Variants in FGD2 observed in about 807,000 individuals in gnomAD.
FGD2 encodes FYVE, RhoGEF and PH domain-containing protein 2.
Under a neutral mutation model 75.9 loss-of-function variants are expected in FGD2, and 52 were observed. The observed-to-expected ratio is 0.69, with a 90% CI of 0.55 to 0.86. FGD2 has a LOEUF of 0.86. FGD2 is among the 40% of genes least tolerant of loss of function. The pLI, the probability that FGD2 is intolerant of heterozygous loss-of-function variation, is 0.00. For synonymous variants in FGD2, 347 were observed against 348.6 expected (o/e 1.00, Z 0.05); for missense variants, 790 against 872.0 (o/e 0.91, Z 1.18).
chr6:37,019,849 T>G (rs1765483029), intron 9 of FGD2, among the ~76,000 whole-genome samples: 1 of 110,266 alleles, frequency 9.1e-6, no homozygotes, highest in African/African-American at 4.0e-5. Flanking sequence ...TCTTTTCTTT[T>G]CTTTTCTTTT....
rs1765938363 is a variant in FGD2 at position 37,028,483 on chromosome 6, A to G, written c.*320A>G. Reference sequence around the variant, plus strand: ...CACCATAGTATGGTTTTTCATTTGTATCTCCTGGGGAGCTTTTAAAGAGTA... The same window carrying G: ...CACCATAGTATGGTTTTTCATTTGTGTCTCCTGGGGAGCTTTTAAAGAGTA... On this transcript the variant is annotated 3_prime_UTR_variant, in exon 16 of 16. Transcript: ENST00000274963. 3.0e-6 allele frequency: 1 copy of G among 334,680 alleles called. No homozygotes were observed. Among genetic ancestry groups the G allele is most frequent in the Non-Finnish European group, 5.4e-6 (1 of 184,050 alleles). 20.7% of individuals were successfully genotyped at this position (334,680 alleles called of 1,614,324 possible).
chr6:37,026,789 C>T (rs1310366147), intron 14 of FGD2, among the ~76,000 whole-genome samples: 5 of 151,394 alleles, frequency 3.3e-5, no homozygotes, highest in African/African-American at 7.3e-5. Flanking sequence ...CACGTGCGGT[C>T]AGGAGTTCGA....
Position 37,027,941 on chromosome 6 carries a change from C to A in FGD2, c.1753-7C>A, listed in dbSNP as rs1271511984. 6.2e-7 allele frequency: 1 copy of A among 1,613,466 alleles called. No homozygotes were observed. The highest frequency in any genetic ancestry group is 2.2e-5 in the East Asian group (1 of 44,870). On this transcript the variant is annotated splice_region_variant and splice_polypyrimidine_tract_variant and intron_variant, in intron 15 of 15. Coordinates refer to ENST00000274963, the MANE Select transcript of FGD2 (RefSeq NM_173558.4). ...GACAGTGGCCCACTGCTCTCTCCTC[C>A]CCCCAGGACATGAGGGCTCACACCT...
chr6:37,025,790 A>AT lies in FGD2; in HGVS notation c.1459-2_1459-1insT. Reference sequence around the variant, plus strand: ...CCATGCCCCCTTATGTGTCCTCCTCAGGTGGTGTGTGCCAGGTGCTCCGAC... The same window carrying AT: ...CCATGCCCCCTTATGTGTCCTCCTCATGGTGGTGTGTGCCAGGTGCTCCGAC... On this transcript the variant is annotated splice_acceptor_variant, in intron 13 of 15. Coordinates refer to ENST00000274963, the MANE Select transcript of FGD2 (RefSeq NM_173558.4). LOFTEE classifies it high-confidence loss of function. The AT allele has an allele frequency of 1.2e-6, 2 of 1,613,950 alleles. No individual in the cohort carries two copies. The highest frequency in any genetic ancestry group is 1.7e-6 in the Non-Finnish European group (2 of 1,179,974).
intron 9 of FGD2, 67 bp from the exon 10 acceptor site, chr6:37,020,474 C>G: frequency 6.9e-7 from 1 of 1,459,086 alleles, no homozygotes. Context: ...TCCCTCCCCT[C>G]CACAGTGCTG....
chr6:37,021,693 G>T, intron 12 of FGD2, 89 bp downstream of exon 12: 1 of 1,170,664 alleles, frequency 8.5e-7, no homozygotes, highest in Non-Finnish European at 1.2e-6. Flanking sequence ...AGCTCAGAGG[G>T]AGAGGGAGTG....
In FGD2 at chr6:37,025,824, C is replaced by T. The variant is rs370805028; in HGVS notation, c.1491C>T (p.Ala497=). The T allele has an allele frequency of 1.9e-5, 31 of 1,614,156 alleles. No homozygotes were observed. In the East Asian group the frequency reaches 4.5e-4, roughly 23 times the overall value. The change falls in exon 14 of 16, where the codon GCC becomes GCT. Residue 497 remains alanine, a synonymous_variant. Transcript: ENST00000274963. ...GTGCCAGGTGCTCCGACTACCGGGC[C>T]GAACTGAAATACGACGACAACAGGC... ...VVCARCSDYR[A]ELKYDDNRPN...
At chr6:37,018,665 C>T (rs991885877) in intron 9 of FGD2, among the ~76,000 whole-genome samples, 1 of 152,154 alleles carries the variant, frequency 6.6e-6, no homozygotes, top group Non-Finnish European at 1.5e-5. Flanking sequence ...GTACACTGCA[C>T]AAGGATACCT....
intron 14 of FGD2, 45 bp from the exon 15 acceptor site, chr6:37,027,383 AC>A (rs755862812): frequency 1.9e-6 from 3 of 1,565,776 alleles, no homozygotes; most frequent in Non-Finnish European, 2.6e-6. Flanking sequence ...AACATCTGGC[AC>A]TTGCGGCTGC....
At chr6:37,027,840 G>C in intron 15 of FGD2, 108 bp from the exon 16 acceptor site, 1 of 1,271,010 alleles carries the variant, frequency 7.9e-7, no homozygotes. Flanking sequence ...CCAACCCATG[G>C]GGGTTTAGGG....
At position 37,013,657 on chromosome 6, in the gene FGD2, C is replaced by T. The variant is rs41272208; in HGVS notation, c.576C>T (p.Phe192=). 2,158 of 1,614,058 alleles carry T rather than the reference C, an allele frequency of 1.3e-3. 3 individuals carry two copies. Among genetic ancestry groups the T allele is most frequent in the Middle Eastern group, 5.0e-3 (30 of 6,058 alleles). The change falls in exon 5 of 16, where the codon TTC becomes TTT. Residue 192 remains phenylalanine (F), a synonymous_variant. Transcript: ENST00000274963. ...IGDVIQKLAP[F]LKMYSEYVKN... ...ACGTGATCCAGAAGCTGGCCCCCTT[C>T]CTGAAGATGTACAGTGAGTATGTCA...
chr6:37,007,968 G>A lies in FGD2; in HGVS notation c.69-866G>A, dbSNP rs1296325116. 2.6e-5 allele frequency among the ~76,000 whole-genome samples: 4 copies of A among 152,178 alleles called. No individual in the cohort carries two copies. The East Asian group carries it at 7.7e-4, about 29-fold the overall frequency. ...TCCTTTACTCAAATGGGGAGGGGCA[G>A]GTTAGAGTGAAGGCTCAGGAAGCAG... On this transcript the variant is annotated intron_variant, in intron 1 of 15. Transcript: ENST00000274963.
intron 5 of FGD2, 91 bp downstream of exon 5, chr6:37,013,856 T>C (rs1015956615): frequency 5.0e-6 from 8 of 1,585,806 alleles, no homozygotes; most frequent in Non-Finnish European, 6.9e-6. Context: ...TCTCCCAGGC[T>C]CAGCTGCTTC....
At chr6:37,006,028 A>T (rs1025940308) in intron 1 of FGD2, 143 bp downstream of exon 1, 27 of 909,838 alleles carry the variant, frequency 3.0e-5, no homozygotes, top group South Asian at 1.3e-4. Flanking sequence ...GATTCCTTGG[A>T]GCATGGGAGA....
chr6:37,025,945 G>T lies in FGD2; in HGVS notation c.1605+7G>T. The T allele has an allele frequency of 6.2e-7, 1 of 1,613,674 alleles. No homozygotes were observed. Among genetic ancestry groups the T allele is most frequent in the Non-Finnish European group, 8.5e-7 (1 of 1,179,888 alleles). On this transcript the variant is annotated splice_region_variant and intron_variant, in intron 14 of 15. Transcript: ENST00000274963. ...GAGGCGGGGCATCCTGGAGGTGAGG[G>T]CCACTGTCCCCGCGCTCACCATCCG...
chr6:37,027,759 C>G lies in FGD2; in HGVS notation c.1752+184C>G, dbSNP rs2274588. On this transcript the variant is annotated intron_variant, in intron 15 of 15. Transcript: ENST00000274963. ...TCAGAATTGTGCCCTGACTCTAGGT[C>G]ACCACTGCTTTGCCCTCAGAGGCAG... The G allele has an allele frequency of 0.15, 149,972 of 1,013,386 alleles. 15,736 individuals carry two copies. Among genetic ancestry groups the G allele is most frequent in the East Asian group, 0.51 (19,371 of 38,056 alleles). The allele number at this position is 1,013,386 out of a possible 1,614,324, so 62.8% of individuals were successfully genotyped here.
chr6:37,027,946 A>C lies in FGD2; in HGVS notation c.1753-2A>C. 1 of 1,613,704 alleles carries C rather than the reference A, an allele frequency of 6.2e-7. No homozygotes were observed. The highest frequency in any genetic ancestry group is 8.5e-7 in the Non-Finnish European group (1 of 1,179,880). On this transcript the variant is annotated splice_acceptor_variant, in intron 15 of 15. Transcript: ENST00000274963. LOFTEE classifies it high-confidence loss of function. ...TGGCCCACTGCTCTCTCCTCCCCCC[A>C]GGACATGAGGGCTCACACCTCCATC... is the stretch of plus-strand genomic sequence containing the variant.
chr6:37,006,117 G>A (rs1434001968), intron 1 of FGD2, among the ~76,000 whole-genome samples: 7 of 152,242 alleles, frequency 4.6e-5, no homozygotes, highest in East Asian at 3.8e-4. Context: ...GTGTGGTTAC[G>A]AGCAAGCATG....
chr6:37,022,654 C>T, intron 13 of FGD2: 1 of 331,050 alleles, frequency 3.0e-6, no homozygotes, highest in Non-Finnish European at 5.5e-6. Context: ...TCTACCTGTC[C>T]CACCTCGGCC....
Sources: gnomAD v4.1 joint callset for allele counts (sites outside exome capture counted in the v4.1 genomes callset) on GRCh38, gnomAD v4.1.1 for gene constraint, MANE v1.5 for transcripts, NCBI Gene and HGNC (gene_info 2026-07-23, HGNC 2026-07-21) for gene names.